The following PDGFD variants were observed in gnomAD, a reference collection of about 807,000 sequenced individuals.
PDGFD encodes platelet derived growth factor D, also known as platelet-derived growth factor D.
Under a neutral mutation model 44.7 loss-of-function variants are expected in PDGFD, and 30 were observed. That is an observed-to-expected ratio of 0.67 (90% confidence interval 0.50 to 0.91). PDGFD has a LOEUF of 0.91. Among genes scored for constraint, PDGFD ranks in the 40% least tolerant of loss-of-function variants. The pLI, the probability that PDGFD is intolerant of heterozygous loss-of-function variation, is 0.00. For synonymous variants in PDGFD, 173 were observed against 168.4 expected (o/e 1.03, Z -0.21); for missense variants, 445 against 457.8 (o/e 0.97, Z 0.25).
rs112825307 is a variant in PDGFD at position 104,000,152 on chromosome 11, G to T, written c.228C>A (p.Asn76Lys). Residue 76 changes from asparagine (N) to lysine (K), a missense_variant, in exon 2 of 7, where the codon AAC (asparagine) becomes AAA (lysine). Asn to Lys is a moderately conservative substitution (Grantham distance 94, BLOSUM62 0). Transcript: ENST00000393158. ...SPRFPNSYPR[N>K]LLLTWRLHSQ... The stretch of plus-strand genomic sequence containing the variant: ...AGTGAAGCCGCCATGTCAGGAGCAG[G>T]TTCCTGGGGTAGCTGTTCGGGAATC... 1 of 1,614,026 alleles carries T rather than the reference G, an allele frequency of 6.2e-7. No individual in the cohort carries two copies. The highest frequency in any genetic ancestry group is 1.7e-5 in the Admixed American group (1 of 60,018).
intron 1 of PDGFD, among the ~76,000 whole-genome samples, chr11:104,013,668 T>C (rs868077434): frequency 7.2e-5 from 11 of 152,090 alleles, no homozygotes; most frequent in African/African-American, 2.4e-4. Context: ...AACAGTTTAG[T>C]AGTGACTACT....
At chr11:103,940,045 A>G (rs1858559552) in intron 5 of PDGFD, among the ~76,000 whole-genome samples, 1 of 152,094 alleles carries the variant, frequency 6.6e-6, no homozygotes. Flanking sequence ...ATACTTGGTA[A>G]TTTTATCTGT....
chr11:103,926,580 T>G (rs1858318776), intron 6 of PDGFD, among the ~76,000 whole-genome samples: 1 of 152,228 alleles, frequency 6.6e-6, no homozygotes, highest in African/African-American at 2.4e-5. Flanking sequence ...ATGAATAACA[T>G]CATATTTCTC....
At position 103,937,952 on chromosome 11, in the gene PDGFD, G is replaced by A. The variant is rs1468461236; in HGVS notation, c.772+5500C>T. The stretch of plus-strand genomic sequence containing the variant: ...CCACATTTTCTTAATCCAGTCTATC[G>A]TTGTTGGACATTTAGGTTGGTTCCA... On this transcript the variant is annotated intron_variant, in intron 5 of 6. Coordinates refer to ENST00000393158, the MANE Select transcript of PDGFD (RefSeq NM_025208.5). Among the ~76,000 whole-genome samples, 42 of 151,236 alleles carry A rather than the reference G, an allele frequency of 2.8e-4. 1 individual carries two copies. Among genetic ancestry groups the A allele is most frequent in the Admixed American group, 1.9e-3 (29 of 15,194 alleles).
At chr11:103,990,215 A>G (rs372987825) in intron 3 of PDGFD, among the ~76,000 whole-genome samples, 3 of 152,284 alleles carry the variant, frequency 2.0e-5, no homozygotes, top group African/African-American at 7.2e-5. Context: ...CCTGAATGCT[A>G]AGGCACCAAG....
intron 3 of PDGFD, among the ~76,000 whole-genome samples, chr11:103,994,015 C>T (rs12574463): frequency 0.17 from 25,163 of 152,064 alleles, 2,203 homozygotes; most frequent in African/African-American, 0.2. Flanking sequence ...ACTATAGAGG[C>T]AGCCCAATAT....
At chr11:104,084,995 C>A (rs67420841) in intron 1 of PDGFD, among the ~76,000 whole-genome samples, 34,545 of 149,110 alleles carry the variant, frequency 0.23, 4,319 homozygotes, top group Non-Finnish European at 0.28. Flanking sequence ...CTTACCCCAA[C>A]TTCCCCCAAT....
chr11:104,048,750 C>T (rs1860481722), intron 1 of PDGFD, among the ~76,000 whole-genome samples: 1 of 152,148 alleles, frequency 6.6e-6, no homozygotes, highest in Non-Finnish European at 1.5e-5. Context: ...AAAATAGACA[C>T]TGAGAGTTAT....
At chr11:104,139,631 C>A (rs370157056) in intron 1 of PDGFD, among the ~76,000 whole-genome samples, 1 of 152,176 alleles carries the variant, frequency 6.6e-6, no homozygotes, top group African/African-American at 2.4e-5. Flanking sequence ...AGACTTTACT[C>A]ACAACATCAT....
chr11:104,161,638 AT>A (rs954414395), intron 1 of PDGFD, among the ~76,000 whole-genome samples: 2 of 152,184 alleles, frequency 1.3e-5, no homozygotes, highest in Non-Finnish European at 2.9e-5. Flanking sequence ...ACAGAAATGT[AT>A]ATCTATTTAT....
intron 1 of PDGFD, among the ~76,000 whole-genome samples, chr11:104,157,646 A>C (rs1334398511): frequency 6.6e-6 from 1 of 152,190 alleles, no homozygotes; most frequent in African/African-American, 2.4e-5. Flanking sequence ...TCCACCCAGT[A>C]ATCATCCCTG....
intron 3 of PDGFD, 112 bp downstream of exon 3, chr11:103,995,953 T>C (rs1220402152): frequency 2.2e-6 from 2 of 898,312 alleles, no homozygotes; most frequent in Middle Eastern, 3.6e-4. Context: ...AACCATGTTA[T>C]AAGGAACTAA....
intron 6 of PDGFD, among the ~76,000 whole-genome samples, chr11:103,912,595 T>C (rs9665884): frequency 0.46 from 69,583 of 151,920 alleles, 16,039 homozygotes; most frequent in South Asian, 0.49. Context: ...AACCAGCTAG[T>C]GTCATAATGG....
chr11:104,070,754 C>T (rs994669355), intron 1 of PDGFD, among the ~76,000 whole-genome samples: 1 of 152,114 alleles, frequency 6.6e-6, no homozygotes, highest in East Asian at 1.9e-4. Context: ...GTGAACAGAA[C>T]TCTATGGACA....
intron 1 of PDGFD, among the ~76,000 whole-genome samples, chr11:104,009,188 G>A (rs1859746045): frequency 6.6e-6 from 1 of 152,020 alleles, no homozygotes; most frequent in Non-Finnish European, 1.5e-5. Context: ...CCTACCAGTA[G>A]CACCAGAGCC....
chr11:104,117,866 A>G (rs550218670), intron 1 of PDGFD, among the ~76,000 whole-genome samples: 4 of 152,190 alleles, frequency 2.6e-5, no homozygotes, highest in East Asian at 1.9e-4. Context: ...CATTCTTCAC[A>G]GAAGTAGAAA....
intron 3 of PDGFD, among the ~76,000 whole-genome samples, chr11:103,986,489 A>G (rs1859367236): frequency 6.6e-6 from 1 of 152,194 alleles, no homozygotes; most frequent in Admixed American, 6.6e-5. Context: ...CCCAGCCCAC[A>G]GATATGGAGA....
At chr11:103,942,135 T>C (rs1371140185) in intron 5 of PDGFD, among the ~76,000 whole-genome samples, 1 of 151,970 alleles carries the variant, frequency 6.6e-6, no homozygotes, top group Non-Finnish European at 1.5e-5. Context: ...TTATAAATGG[T>C]TGTGCTAAAG....
intron 6 of PDGFD, among the ~76,000 whole-genome samples, chr11:103,925,449 A>G (rs1051791414): frequency 2.0e-5 from 3 of 152,066 alleles, no homozygotes; most frequent in African/African-American, 7.2e-5. Flanking sequence ...CTTGCAAAAT[A>G]TATTTCATAT....
Sources: allele counts gnomAD v4.1 joint callset (sites outside exome capture counted in the v4.1 genomes callset), GRCh38; gene constraint gnomAD v4.1.1; transcripts MANE v1.5; gene names NCBI Gene and HGNC (gene_info 2026-07-23, HGNC 2026-07-21).